AIG1: variants seen among roughly 807,000 people sequenced by gnomAD.
AIG1 encodes androgen induced 1.
A neutral mutation model predicts 31.4 loss-of-function variants in AIG1; 23 were observed. That is an observed-to-expected ratio of 0.73 (90% CI 0.53 to 1.04). The LOEUF (loss-of-function observed/expected upper bound fraction) is 1.04, where lower values mean the gene tolerates loss of function less well. Among genes scored for constraint, AIG1 ranks in the 50% least tolerant of loss-of-function variants. The pLI is 0.00. For synonymous variants in AIG1, 100 were observed against 110.5 expected, an observed-to-expected ratio of 0.90 and a Z score of 0.60; for missense variants, 274 against 295.0, an observed-to-expected ratio of 0.93 and a Z score of 0.52.
intron 1 of AIG1, among the ~76,000 whole-genome samples, chr6:143,091,198 T>C (rs1336464941): frequency 1.3e-5 from 2 of 152,216 alleles, no homozygotes; most frequent in East Asian, 3.8e-4. Flanking sequence ...ACATCTGCAG[T>C]TAACTTTCTC....
At chr6:143,113,615 C>CA (rs1036365827) in intron 1 of AIG1, among the ~76,000 whole-genome samples, 5 of 145,450 alleles carry the variant, frequency 3.4e-5, no homozygotes, top group African/African-American at 1.0e-4. Context: ...AAAAAAAAAA[C>CA]AAAAAAAAAG....
In AIG1 at chr6:143,327,612, C is replaced by T; in HGVS notation, c.516-5670C>T. On this transcript the variant is annotated intron_variant, in intron 4 of 5. Transcript: ENST00000357847. This position sits in a 1 kb window ranked among gnomAD's most constrained non-coding sequence, Gnocchi z 5.3. The stretch of plus-strand genomic sequence containing the variant: ...ACTTCAGTTACCTATGTACCTGTTA[C>T]CACTTTCAAAAATCTGCAGATAGTC... The T allele has an allele frequency of 3.2e-6, 1 of 316,692 alleles. No individual in the cohort carries two copies. The highest frequency in any genetic ancestry group is 4.0e-5 in the Admixed American group (1 of 24,982). The allele number at this position is 316,692 out of a possible 1,614,324, so 19.6% of individuals were successfully genotyped here.
chr6:143,318,559 G>T (rs1775949609), intron 4 of AIG1, among the ~76,000 whole-genome samples: 1 of 151,992 alleles, frequency 6.6e-6, no homozygotes, highest in Non-Finnish European at 1.5e-5. Flanking sequence ...AATCCTTCTA[G>T]ATATTAGCTT....
intron 5 of AIG1, chr6:143,335,185 A>AGAACTTGATAGGT: frequency 2.3e-6 from 3 of 1,289,060 alleles, no homozygotes; most frequent in Non-Finnish European, 2.0e-6. Context: ...TCTACCTATC[A>AGAACTTGATAGGT]AGTTCTGTTA....
chr6:143,197,088 TG>T (rs1471368466), intron 3 of AIG1, among the ~76,000 whole-genome samples: 17 of 152,148 alleles, frequency 1.1e-4, no homozygotes, highest in African/African-American at 4.1e-4. Flanking sequence ...ATCCAGCAAC[TG>T]GGACATCATT....
chr6:143,091,266 A>G (rs2128476065), intron 1 of AIG1, among the ~76,000 whole-genome samples: 1 of 152,278 alleles, frequency 6.6e-6, no homozygotes, highest in Admixed American at 6.5e-5. Flanking sequence ...ACTTCTTCCA[A>G]ACTCCTGTTA....
chr6:143,108,477 C>T (rs1429052196), intron 1 of AIG1, among the ~76,000 whole-genome samples: 1 of 152,150 alleles, frequency 6.6e-6, no homozygotes, highest in Non-Finnish European at 1.5e-5. Context: ...CCTGATCTAA[C>T]CTCTGTTTCT....
In AIG1 at chr6:143,333,322, C is replaced by G. The variant is rs1449322185; in HGVS notation, c.556C>G (p.Pro186Ala). The change falls in exon 5 of 6, where the codon CCT (proline) becomes GCT (alanine). Residue 186 changes from proline to alanine, a missense_variant. Around this residue, in one of 2 missense-constraint regions of AIG1, gnomAD observed 243 missense variants for 238.5 expected, o/e 1.02. Coordinates refer to ENST00000357847, the MANE Select transcript of AIG1 (RefSeq NM_016108.4). The surrounding 1 kb of genome is among the most constrained non-coding windows in gnomAD (Gnocchi z 4.6). ...TCATGTAACTGGCATGTGGGTGTAC[C>G]CTTTCCTGGAACACATTGGCCCAGG... ...VHHVTGMWVY[P>A]FLEHIGPGAR... 1 of 1,613,518 alleles carries G rather than the reference C, an allele frequency of 6.2e-7. No homozygotes were observed. Among genetic ancestry groups the G allele is most frequent in the East Asian group, 2.2e-5 (1 of 44,846 alleles).
intron 3 of AIG1, among the ~76,000 whole-genome samples, chr6:143,173,674 T>C (rs1240591781): frequency 1.3e-5 from 2 of 152,186 alleles, no homozygotes; most frequent in Non-Finnish European, 2.9e-5. Flanking sequence ...CTTCTTTAAT[T>C]TTCATATATT....
chr6:143,250,611 A>G (rs982025841), intron 3 of AIG1, among the ~76,000 whole-genome samples: 9 of 152,270 alleles, frequency 5.9e-5, no homozygotes, highest in African/African-American at 2.2e-4. Flanking sequence ...AGAAAGGCAG[A>G]GAGAAGTTAG....
At chr6:143,068,876 A>C (rs1052404680) in intron 1 of AIG1, among the ~76,000 whole-genome samples, 5 of 152,212 alleles carry the variant, frequency 3.3e-5, no homozygotes, top group Non-Finnish European at 5.9e-5. Context: ...AATTACGGAT[A>C]TCACTTAGAG....
intron 3 of AIG1, among the ~76,000 whole-genome samples, chr6:143,229,167 A>G (rs1367016201): frequency 3.3e-5 from 5 of 152,224 alleles, no homozygotes; most frequent in Admixed American, 3.3e-4. Context: ...GTTTCTTGCA[A>G]TTTGAACAAA....
At chr6:143,302,846 G>A (rs1562572786) in intron 4 of AIG1, among the ~76,000 whole-genome samples, 1 of 152,194 alleles carries the variant, frequency 6.6e-6, no homozygotes, top group African/African-American at 2.4e-5. Context: ...CACCAACAGT[G>A]TAAAAGTGTG....
intron 1 of AIG1, among the ~76,000 whole-genome samples, chr6:143,119,942 T>G (rs1342915302): frequency 1.3e-5 from 2 of 152,196 alleles, no homozygotes; most frequent in Non-Finnish European, 2.9e-5. Flanking sequence ...TTTATTTTTA[T>G]TTTTGAGATG....
chr6:143,339,578 T>G (rs1053948752), intron 5 of AIG1, 61 bp from the exon 6 acceptor site: 1 of 1,572,516 alleles, frequency 6.4e-7, no homozygotes. Context: ...CAAGCCAGAT[T>G]AAACAAACTG....
At chr6:143,313,553 G>A (rs898597173) in intron 4 of AIG1, among the ~76,000 whole-genome samples, 8 of 151,988 alleles carry the variant, frequency 5.3e-5, no homozygotes, top group East Asian at 3.8e-4. Context: ...TATCAGAGGC[G>A]TGAAAAGTTA....
chr6:143,183,339 G>A (rs2128588026), intron 3 of AIG1, among the ~76,000 whole-genome samples: 1 of 152,224 alleles, frequency 6.6e-6, no homozygotes, highest in South Asian at 2.1e-4. Flanking sequence ...GGGATTACAG[G>A]CATGCACCAC....
chr6:143,155,305 C>T (rs992906438), intron 2 of AIG1, among the ~76,000 whole-genome samples: 4 of 152,050 alleles, frequency 2.6e-5, no homozygotes, highest in East Asian at 3.9e-4. Context: ...CTCAGTGTTA[C>T]GAAGGAAAAA....
chr6:143,323,710 C>T (rs1300882492), intron 4 of AIG1, among the ~76,000 whole-genome samples: 2 of 152,068 alleles, frequency 1.3e-5, no homozygotes, highest in African/African-American at 4.8e-5. Context: ...TGGCAGACCC[C>T]CACACACACT....
Sources: allele counts gnomAD v4.1 joint callset (sites outside exome capture counted in the v4.1 genomes callset), GRCh38; gene constraint gnomAD v4.1.1; regional missense constraint gnomAD v4.1.1; non-coding constraint Gnocchi (gnomAD v3.1); transcripts MANE v1.5; gene names NCBI Gene and HGNC (gene_info 2026-07-23, HGNC 2026-07-21).